The following IGSF3 variants were observed in gnomAD, a reference collection of about 807,000 sequenced individuals.
The protein encoded by IGSF3 is glu-Trp-Ile EWI motif-containing protein 3.
In IGSF3, 23 loss-of-function variants were observed where a neutral mutation model predicts 114.4. The observed-to-expected ratio is 0.20, with a 90% CI of 0.14 to 0.28. The LOEUF is 0.28. Ranked by LOEUF, IGSF3 falls within the 10% of genes least tolerant of loss-of-function variation. The pLI is 1.00. For synonymous variants in IGSF3, 571 were observed against 645.2 expected (o/e 0.88, Z 1.74); for missense variants, 1,172 against 1,591.5 (o/e 0.74, Z 4.48).
chr1:116,593,290 G>A lies in IGSF3; in HGVS notation c.2030-4186C>T, dbSNP rs940932795. The stretch of plus-strand genomic sequence containing the variant: ...CATTCAAGTTTGAGAAGCAACAGCC[G>A]TGCTGCTGAGGTGGTTGCCGGTAAG... On this transcript the variant is annotated intron_variant, in intron 7 of 10. Coordinates refer to ENST00000369486, the MANE Select transcript of IGSF3 (RefSeq NM_001007237.3). The surrounding 1 kb of genome is among the most constrained non-coding windows in gnomAD (Gnocchi z 4.5). Among the ~76,000 whole-genome samples the A allele has an allele frequency of 3.9e-5, 6 of 152,224 alleles. No homozygotes were observed. The highest frequency in any genetic ancestry group is 3.8e-4 in the East Asian group (2 of 5,200).
In IGSF3 at chr1:116,605,779, G is replaced by A. The variant is rs1384886703; in HGVS notation, c.1223-1754C>T. On this transcript the variant is annotated intron_variant, in intron 5 of 10. Coordinates refer to ENST00000369486, the MANE Select transcript of IGSF3 (RefSeq NM_001007237.3). The surrounding 1 kb of genome is among the most constrained non-coding windows in gnomAD (Gnocchi z 5.1). ...TCAATTCAAAATAAGGGATTAAAAG[G>A]GCAACTGCAGCATCAAGGAAGAAAA... Among the ~76,000 whole-genome samples the A allele has an allele frequency of 6.6e-6, 1 of 152,118 alleles. No individual in the cohort carries two copies. Among genetic ancestry groups the A allele is most frequent in the South Asian group, 2.1e-4 (1 of 4,830 alleles).
In IGSF3 at chr1:116,576,718, G is replaced by A. The variant is rs1659357078; in HGVS notation, c.*594C>T. On this transcript the variant is annotated 3_prime_UTR_variant, in exon 11 of 11. Transcript: ENST00000369486. This position sits in a 1 kb window ranked among gnomAD's most constrained non-coding sequence, Gnocchi z 4.6. ...CTACAAAGTGGTTCCAATAACTCCAGCTGAGGGAAAAGACAACATACAAAT... is the reference window on the plus strand; with the variant it reads ...CTACAAAGTGGTTCCAATAACTCCAACTGAGGGAAAAGACAACATACAAAT... 6.5e-6 allele frequency: 1 copy of A among 153,036 alleles called. No individual in the cohort carries two copies. Among genetic ancestry groups the A allele is most frequent in the South Asian group, 2.1e-4 (1 of 4,854 alleles). 9.5% of individuals were successfully genotyped at this position (153,036 alleles called of 1,614,324 possible).
chr1:116,613,818 T>C lies in IGSF3; in HGVS notation c.779A>G (p.Tyr260Cys), dbSNP rs1323545852. Reference sequence around the variant, plus strand: ...CTCGGAACGCTTTCGGGTCATAGCATACCACGACCCATCCGGATCCTGGAT... The same window carrying C: ...CTCGGAACGCTTTCGGGTCATAGCACACCACGACCCATCCGGATCCTGGAT... ...EWIQDPDGSWYAMTRKRSEGA... is the reference protein window; with the variant it reads ...EWIQDPDGSWCAMTRKRSEGA... Residue 260 changes from tyrosine to cysteine, a missense_variant, in exon 4 of 11, where the codon TAT (tyrosine) becomes TGT (cysteine). By Grantham distance (194) the Tyr-to-Cys change is radical. Around this residue, in one of 3 missense-constraint regions of IGSF3, gnomAD observed 736 missense variants for 1,042.0 expected, o/e 0.71. Transcript: ENST00000369486. 2.5e-6 allele frequency: 4 copies of C among 1,613,844 alleles called. No individual in the cohort carries two copies. The highest frequency in any genetic ancestry group is 2.7e-5 in the African/African-American group (2 of 74,918).
In IGSF3 at chr1:116,616,232, C is replaced by T. The variant is rs751062254; in HGVS notation, c.269G>A (p.Gly90Glu). 14 of 1,613,412 alleles carry T rather than the reference C, an allele frequency of 8.7e-6. No individual in the cohort carries two copies. Among genetic ancestry groups the T allele is most frequent in the Middle Eastern group, 1.8e-4 (1 of 5,708 alleles). The part of the protein sequence containing the change: ...PYAIYTQRVR[G>E]GKIFIERVQG... Reference sequence around the variant, plus strand: ...GACTCTTTCTATGAAGATCTTCCCTCCGCGGACGCGCTGGGTGTAGATGGC... The same window carrying T: ...GACTCTTTCTATGAAGATCTTCCCTTCGCGGACGCGCTGGGTGTAGATGGC... Residue 90 changes from glycine to glutamate, a missense_variant, in exon 3 of 11, where the codon GGA (glycine) becomes GAA (glutamate). Coordinates refer to ENST00000369486, the MANE Select transcript of IGSF3 (RefSeq NM_001007237.3). The surrounding 1 kb of genome is among the most constrained non-coding windows in gnomAD (Gnocchi z 6.6).
rs116176585 is a variant in IGSF3 at position 116,657,036 on chromosome 1, C to T, written c.43+9248G>A. 0.041 allele frequency among the ~76,000 whole-genome samples: 6,230 copies of T among 152,198 alleles called. 422 individuals are homozygous for T. Among genetic ancestry groups the T allele is most frequent in the African/African-American group, 0.14 (5,863 of 41,476 alleles). On this transcript the variant is annotated intron_variant, in intron 2 of 10. Transcript: ENST00000369486. This position sits in a 1 kb window ranked among gnomAD's most constrained non-coding sequence, Gnocchi z 4.2. ...CTTACGTTTACATAATACTTTACCCCAATACATTTTGTCTGCTGTTCTAAA... is the reference window on the plus strand; with the variant it reads ...CTTACGTTTACATAATACTTTACCCTAATACATTTTGTCTGCTGTTCTAAA...
Position 116,584,121 on chromosome 1 carries a change from G to A in IGSF3, c.2848+524C>T, listed in dbSNP as rs978993695. 7.2e-5 allele frequency among the ~76,000 whole-genome samples: 11 copies of A among 152,112 alleles called. No homozygotes were observed. In the East Asian group the frequency reaches 7.7e-4, roughly 11 times the overall value. Reference sequence around the variant, plus strand: ...GGAGAATCACTTGAATCTGGGAGGCGGAGGTTGCAGTGAGCCGAGATCGCA... The same window carrying A: ...GGAGAATCACTTGAATCTGGGAGGCAGAGGTTGCAGTGAGCCGAGATCGCA... On this transcript the variant is annotated intron_variant, in intron 9 of 10. Transcript: ENST00000369486. This position sits in a 1 kb window ranked among gnomAD's most constrained non-coding sequence, Gnocchi z 5.8.
chr1:116,582,545 C>A lies in IGSF3; in HGVS notation c.2848+2100G>T, dbSNP rs1274803987. On this transcript the variant is annotated intron_variant, in intron 9 of 10. Coordinates refer to ENST00000369486, the MANE Select transcript of IGSF3 (RefSeq NM_001007237.3). The surrounding 1 kb of genome is among the most constrained non-coding windows in gnomAD (Gnocchi z 4.7). Reference sequence around the variant, plus strand: ...GAAGGTGATTATTTTCCTAACAATACTTTTAGAGCTATATTATTTCAAGTC... The same window carrying A: ...GAAGGTGATTATTTTCCTAACAATAATTTTAGAGCTATATTATTTCAAGTC... 6.6e-6 allele frequency among the ~76,000 whole-genome samples: 1 copy of A among 152,242 alleles called. No homozygotes were observed. Among genetic ancestry groups the A allele is most frequent in the African/African-American group, 2.4e-5 (1 of 41,464 alleles).
In IGSF3 at chr1:116,600,695, G is replaced by C. The variant is rs1660543869; in HGVS notation, c.1625-350C>G. Among the ~76,000 whole-genome samples the C allele has an allele frequency of 6.6e-6, 1 of 152,192 alleles. No homozygotes were observed. On this transcript the variant is annotated intron_variant, in intron 6 of 10. Coordinates refer to ENST00000369486, the MANE Select transcript of IGSF3 (RefSeq NM_001007237.3). The surrounding 1 kb of genome is among the most constrained non-coding windows in gnomAD (Gnocchi z 5.5). ...GCTCCTAGAAATCTTGAGATTCCAT[G>C]AGAGAACAGGAAAAGAAAACCCCAA...
At chr1:116,623,263 C>G (rs1661475478) in intron 2 of IGSF3, among the ~76,000 whole-genome samples, 1 of 152,232 alleles carries the variant, frequency 6.6e-6, no homozygotes, top group African/African-American at 2.4e-5. Flanking sequence ...TGACACTGTT[C>G]CAAGTACTCT....
Position 116,648,952 on chromosome 1 carries a change from A to G in IGSF3, c.43+17332T>C, listed in dbSNP as rs1008888169. Among the ~76,000 whole-genome samples the G allele has an allele frequency of 5.3e-5, 8 of 152,170 alleles. No individual in the cohort carries two copies. Among genetic ancestry groups the G allele is most frequent in the African/African-American group, 1.9e-4 (8 of 41,440 alleles). The stretch of plus-strand genomic sequence containing the variant: ...GAAACACTGAGAGTCCTAGAGGTAG[A>G]ATGAGTCAGCCAGCAAGCTCCAGCC... On this transcript the variant is annotated intron_variant, in intron 2 of 10. Coordinates refer to ENST00000369486, the MANE Select transcript of IGSF3 (RefSeq NM_001007237.3). The surrounding 1 kb of genome is among the most constrained non-coding windows in gnomAD (Gnocchi z 4.7).
At chr1:116,587,692 T>G (rs1659912851) in intron 8 of IGSF3, among the ~76,000 whole-genome samples, 1 of 152,142 alleles carries the variant, frequency 6.6e-6, no homozygotes, top group Non-Finnish European at 1.5e-5. Context: ...GAAATCAGGG[T>G]AGGCTTCTTG....
chr1:116,632,209 C>A lies in IGSF3; in HGVS notation c.44-15752G>T, dbSNP rs1239957672. 6.6e-6 allele frequency among the ~76,000 whole-genome samples: 1 copy of A among 152,114 alleles called. No individual in the cohort carries two copies. Among genetic ancestry groups the A allele is most frequent in the African/African-American group, 2.4e-5 (1 of 41,408 alleles). On this transcript the variant is annotated intron_variant, in intron 2 of 10. Coordinates refer to ENST00000369486, the MANE Select transcript of IGSF3 (RefSeq NM_001007237.3). The surrounding 1 kb of genome is among the most constrained non-coding windows in gnomAD (Gnocchi z 5.1). Reference sequence around the variant, plus strand: ...TATAGTTGTGGAGGTTATCAGTTTGCCAGAGCTGCAGATTTAAAATACTTG... The same window carrying A: ...TATAGTTGTGGAGGTTATCAGTTTGACAGAGCTGCAGATTTAAAATACTTG...
Position 116,598,358 on chromosome 1 carries a change from G to C in IGSF3, c.2029+1583C>G, listed in dbSNP as rs1437745990. On this transcript the variant is annotated intron_variant, in intron 7 of 10. Transcript: ENST00000369486. This position sits in a 1 kb window ranked among gnomAD's most constrained non-coding sequence, Gnocchi z 4.3. ...CCACAACAAGGGTTCACATAAAATG[G>C]GGTCTCTGCTTAACCTTCCATTAAC... Among the ~76,000 whole-genome samples, 1 of 152,156 alleles carries C rather than the reference G, an allele frequency of 6.6e-6. No homozygotes were observed. The highest frequency in any genetic ancestry group is 1.5e-5 in the Non-Finnish European group (1 of 68,032).
At chr1:116,656,419 G>A (rs986319408) in intron 2 of IGSF3, among the ~76,000 whole-genome samples, 2 of 141,878 alleles carry the variant, frequency 1.4e-5, no homozygotes, top group East Asian at 2.2e-4. Context: ...TCCTGCCTCC[G>A]CCTCCCGGGT....
chr1:116,666,572 C>G lies in IGSF3; in HGVS notation c.-246G>C. ...GGTCCACAACAATTCGGAAGTCGCT[C>G]CCGGCTCCTGCCACATCGTGTGCCT... On this transcript the variant is annotated 5_prime_UTR_variant, in exon 2 of 11. Coordinates refer to ENST00000369486, the MANE Select transcript of IGSF3 (RefSeq NM_001007237.3). 1 of 600,312 alleles carries G rather than the reference C, an allele frequency of 1.7e-6. No individual in the cohort carries two copies. Among genetic ancestry groups the G allele is most frequent in the Non-Finnish European group, 3.0e-6 (1 of 338,012 alleles). 37.2% of individuals were successfully genotyped at this position (600,312 alleles called of 1,614,324 possible).
rs1342884608 is a variant in IGSF3 at position 116,661,459 on chromosome 1, T to G, written c.43+4825A>C. On this transcript the variant is annotated intron_variant, in intron 2 of 10. Coordinates refer to ENST00000369486, the MANE Select transcript of IGSF3 (RefSeq NM_001007237.3). This position sits in a 1 kb window ranked among gnomAD's most constrained non-coding sequence, Gnocchi z 4.0. ...TGGCACATAAGCACTCTATAAACAC[T>G]TTAATACTCACTGATAAAACCACAA... is the stretch of plus-strand genomic sequence containing the variant. Among the ~76,000 whole-genome samples the G allele has an allele frequency of 6.6e-6, 1 of 152,234 alleles. No homozygotes were observed. Among genetic ancestry groups the G allele is most frequent in the African/African-American group, 2.4e-5 (1 of 41,462 alleles).
chr1:116,661,283 A>T lies in IGSF3; in HGVS notation c.43+5001T>A, dbSNP rs1421356222. 2.0e-5 allele frequency among the ~76,000 whole-genome samples: 3 copies of T among 151,286 alleles called. No individual in the cohort carries two copies. The highest frequency in any genetic ancestry group is 4.4e-5 in the Non-Finnish European group (3 of 67,998). On this transcript the variant is annotated intron_variant, in intron 2 of 10. Transcript: ENST00000369486. This position sits in a 1 kb window ranked among gnomAD's most constrained non-coding sequence, Gnocchi z 4.0. ...ACTCCAGCCTGAGCAACAGTGTGAG[A>T]CTCCATCTCAAAAAAAATAAAATAA...
chr1:116,662,032 T>C lies in IGSF3; in HGVS notation c.43+4252A>G, dbSNP rs948993123. On this transcript the variant is annotated intron_variant, in intron 2 of 10. Transcript: ENST00000369486. The surrounding 1 kb of genome is among the most constrained non-coding windows in gnomAD (Gnocchi z 4.3). ...GCACATGGAGCAAGACAGCAGGAGCTTGGAGCCCTAACACTGTCAGCAATC... is the reference window on the plus strand; with the variant it reads ...GCACATGGAGCAAGACAGCAGGAGCCTGGAGCCCTAACACTGTCAGCAATC... 2.6e-5 allele frequency among the ~76,000 whole-genome samples: 4 copies of C among 152,052 alleles called. No homozygotes were observed. Among genetic ancestry groups the C allele is most frequent in the Non-Finnish European group, 4.4e-5 (3 of 68,008 alleles).
rs1647657058 is a variant in IGSF3, at chr1:116,632,890, C to G, written c.44-16433G>C. Among the ~76,000 whole-genome samples the G allele has an allele frequency of 2.0e-5, 3 of 152,196 alleles. No individual in the cohort carries two copies. Among genetic ancestry groups the G allele is most frequent in the African/African-American group, 7.2e-5 (3 of 41,444 alleles). On this transcript the variant is annotated intron_variant, in intron 2 of 10. Coordinates refer to ENST00000369486, the MANE Select transcript of IGSF3 (RefSeq NM_001007237.3). The surrounding 1 kb of genome is among the most constrained non-coding windows in gnomAD (Gnocchi z 5.1). ...AGGGACAGTGACATCAGTGTGTTTA[C>G]CAAGCATTTGATTTACTTGCTCAGG...
Sources: gnomAD v4.1 joint callset for allele counts (sites outside exome capture counted in the v4.1 genomes callset) on GRCh38, gnomAD v4.1.1 for gene constraint, gnomAD v4.1.1 regional missense constraint, Gnocchi (gnomAD v3.1) non-coding constraint, MANE v1.5 for transcripts, NCBI Gene and HGNC (gene_info 2026-07-23, HGNC 2026-07-21) for gene names.